RBFOX1: variants seen among roughly 807,000 people sequenced by gnomAD.
RBFOX1 encodes RNA binding protein fox-1 homolog 1.
A neutral mutation model predicts 57.7 loss-of-function variants in RBFOX1; 8 were observed. The observed-to-expected ratio is 0.14, with a 90% CI of 0.08 to 0.25. The LOEUF (loss-of-function observed/expected upper bound fraction) is 0.25. Among genes scored for constraint, RBFOX1 ranks in the 10% least tolerant of loss-of-function variants. The pLI, the probability that RBFOX1 is intolerant of heterozygous loss-of-function variation, is 1.00. For missense variants in RBFOX1, 611 were observed against 548.5 expected, an observed-to-expected ratio of 1.11 and a Z score of -1.14; for synonymous variants, 326 against 222.4, an observed-to-expected ratio of 1.47 and a Z score of -4.15.
chr16:5,861,152 C>T (rs2057203017), intron 3 of RBFOX1, among the ~76,000 whole-genome samples: 1 of 152,156 alleles, frequency 6.6e-6, no homozygotes, highest in South Asian at 2.1e-4. Flanking sequence ...AGTGGATTTC[C>T]TATCATGGAA....
intron 3 of RBFOX1, among the ~76,000 whole-genome samples, chr16:6,826,873 G>T (rs529852658): frequency 6.6e-6 from 1 of 152,106 alleles, no homozygotes; most frequent in East Asian, 1.9e-4. Flanking sequence ...ATGTGTTTCC[G>T]TATGATGAAT....
intron 3 of RBFOX1, among the ~76,000 whole-genome samples, chr16:6,685,420 C>T (rs77561426): frequency 1.3e-5 from 2 of 149,588 alleles, no homozygotes; most frequent in African/African-American, 4.9e-5. Context: ...AGATTACAGG[C>T]ATGTGCCACT....
At chr16:5,684,840 T>C (rs8056422) in intron 3 of RBFOX1, among the ~76,000 whole-genome samples, 103,217 of 151,992 alleles carry the variant, frequency 0.68, 39,711 homozygotes, top group Non-Finnish European at 0.87. Context: ...TTTGGTTTCC[T>C]GCGTTATGAT....
chr16:6,702,268 T>A (rs1163900750), intron 3 of RBFOX1, among the ~76,000 whole-genome samples: 2 of 152,098 alleles, frequency 1.3e-5, no homozygotes, highest in Non-Finnish European at 2.9e-5. Flanking sequence ...ATATCCAAAT[T>A]ATCGGCCAGC....
intron 1 of RBFOX1, among the ~76,000 whole-genome samples, chr16:6,234,191 C>T (rs2097487643): frequency 6.6e-6 from 1 of 152,188 alleles, no homozygotes; most frequent in African/African-American, 2.4e-5. Context: ...AGTCTCATTG[C>T]CCTTCACCAC....
At chr16:7,121,321 G>A (rs193100428) in intron 4 of RBFOX1, among the ~76,000 whole-genome samples, 22 of 152,052 alleles carry the variant, frequency 1.4e-4, no homozygotes, top group Admixed American at 6.6e-4. Flanking sequence ...ATATATAAGG[G>A]CATCTTTAAT....
In RBFOX1 at chr16:5,679,967, T is replaced by C. The variant is rs1047799583; in HGVS notation, c.318+81006T>C. ...TGCTCTCTTTCACCTAGGAAACATATATTGTTTTAAGAAAAGGAGGAACAA... is the reference window on the plus strand; with the variant it reads ...TGCTCTCTTTCACCTAGGAAACATACATTGTTTTAAGAAAAGGAGGAACAA... On this transcript the variant is annotated intron_variant, in intron 3 of 19. Coordinates refer to the RBFOX1 transcript ENST00000641259. 3.3e-5 allele frequency among the ~76,000 whole-genome samples: 5 copies of C among 152,340 alleles called. No homozygotes were observed. The East Asian group carries it at 7.7e-4, about 24-fold the overall frequency.
At chr16:7,567,782 T>TCCCC (rs2092256298) in intron 5 of RBFOX1, among the ~76,000 whole-genome samples, 2 of 148,400 alleles carry the variant, frequency 1.3e-5, no homozygotes, top group African/African-American at 5.0e-5. Flanking sequence ...TCTCTATATA[T>TCCCC]ATCCATATGT....
intron 4 of RBFOX1, among the ~76,000 whole-genome samples, chr16:7,110,362 T>TA (rs915632598): frequency 1.1e-4 from 17 of 150,616 alleles, no homozygotes; most frequent in Admixed American, 4.6e-4. Flanking sequence ...TCCTGACTCT[T>TA]AAAAAAAAGA....
At chr16:6,485,967 A>G (rs765754204) in intron 2 of RBFOX1, among the ~76,000 whole-genome samples, 1 of 150,064 alleles carries the variant, frequency 6.7e-6, no homozygotes, top group East Asian at 2.0e-4. Context: ...TCTTTTTTGT[A>G]TGATATTGTG....
At chr16:7,367,216 G>A (rs909209696) in intron 4 of RBFOX1, among the ~76,000 whole-genome samples, 5 of 152,146 alleles carry the variant, frequency 3.3e-5, no homozygotes, top group Admixed American at 6.5e-5. Context: ...CCATCTTACT[G>A]TTTGCAAAGA....
At position 6,927,730 on chromosome 16, in the gene RBFOX1, G is replaced by T. The variant is rs138590364; in HGVS notation, c.-15-124327G>T. On this transcript the variant is annotated intron_variant, in intron 3 of 15. Transcript: ENST00000550418. ...CTGTAGCAAGGCTGATTATAAGTCA[G>T]TGCCCTATGTAAGGCCTGGAACCTA... 4.1e-5 allele frequency among the ~76,000 whole-genome samples: 6 copies of T among 147,318 alleles called. No individual in the cohort carries two copies. In the South Asian group the frequency reaches 8.5e-4, roughly 21 times the overall value.
At chr16:7,260,773 C>G (rs2094888365) in intron 4 of RBFOX1, among the ~76,000 whole-genome samples, 1 of 152,118 alleles carries the variant, frequency 6.6e-6, no homozygotes, top group Non-Finnish European at 1.5e-5. Context: ...GACTGATTCC[C>G]TAGGCTGCCG....
chr16:7,469,148 A>G (rs1011971228), intron 4 of RBFOX1, among the ~76,000 whole-genome samples: 1 of 151,940 alleles, frequency 6.6e-6, no homozygotes, highest in Non-Finnish European at 1.5e-5. Flanking sequence ...GTTAGCCAGG[A>G]TGGTCTCAAT....
chr16:6,803,791 T>G (rs2086059166), intron 3 of RBFOX1, among the ~76,000 whole-genome samples: 1 of 152,018 alleles, frequency 6.6e-6, no homozygotes, highest in Admixed American at 6.5e-5. Context: ...GGAATGTTCG[T>G]TAGAGAGTTG....
rs114121608 is a variant in RBFOX1 at position 7,458,947 on chromosome 16, A to G, written c.28-59200A>G. Among the ~76,000 whole-genome samples, 850 of 152,360 alleles carry G rather than the reference A, an allele frequency of 5.6e-3. 9 individuals are homozygous for G. Among genetic ancestry groups the G allele is most frequent in the African/African-American group, 0.02 (811 of 41,580 alleles). On this transcript the variant is annotated intron_variant, in intron 4 of 15. Transcript: ENST00000550418. ...ATTTTAGCATGTTTTGTTTGTTGCT[A>G]TATCCTTGCAGTGCCTTTCACAAAG...
intron 1 of RBFOX1, among the ~76,000 whole-genome samples, chr16:5,242,826 C>A (rs62019125): frequency 1.6e-5 from 2 of 124,778 alleles, no homozygotes; most frequent in Non-Finnish European, 3.6e-5. Flanking sequence ...GACTGGGTGT[C>A]CCTTGGAGTG....
At chr16:5,985,134 C>A (rs905244096) in intron 4 of RBFOX1, among the ~76,000 whole-genome samples, 21 of 151,092 alleles carry the variant, frequency 1.4e-4, no homozygotes, top group African/African-American at 4.9e-4. Context: ...TACAGGCACC[C>A]GCCACCATAC....
At chr16:6,090,417 T>C (rs1270188527) in intron 1 of RBFOX1, among the ~76,000 whole-genome samples, 1 of 152,186 alleles carries the variant, frequency 6.6e-6, no homozygotes, top group Non-Finnish European at 1.5e-5. Flanking sequence ...CTCTTCTGAG[T>C]GTAGCAGCAA....
Sources: allele counts gnomAD v4.1 joint callset (sites outside exome capture counted in the v4.1 genomes callset), GRCh38; gene constraint gnomAD v4.1.1; transcripts MANE v1.5; gene names NCBI Gene and HGNC (gene_info 2026-07-23, HGNC 2026-07-21).